RASGRP3: variants seen among roughly 807,000 people sequenced by gnomAD.
RASGRP3 encodes the protein RAS guanyl releasing protein 3, also known as ras guanyl-releasing protein 3.
RASGRP3 carries 54 observed loss-of-function variants against 82.7 expected under a neutral mutation model. The ratio of observed to expected loss-of-function variants is 0.65; its 90% CI spans 0.52 to 0.82. The LOEUF (loss-of-function observed/expected upper bound fraction) is 0.82, where lower values mean the gene tolerates loss of function less well. Ranked by LOEUF, RASGRP3 falls within the 40% of genes least tolerant of loss-of-function variation. The pLI, the probability that RASGRP3 is intolerant of heterozygous loss-of-function variation, is 0.00. For synonymous variants in RASGRP3, 309 were observed against 300.5 expected, an observed-to-expected ratio of 1.03 and a Z score of -0.29; for missense variants, 861 against 828.9, an observed-to-expected ratio of 1.04 and a Z score of -0.48.
In RASGRP3 at chr2:33,470,716, G is replaced by A. The variant is rs191863228; in HGVS notation, c.-261+22773G>A. Among the ~76,000 whole-genome samples the A allele has an allele frequency of 7.9e-3, 1,205 of 152,050 alleles. 16 individuals carry two copies. Among genetic ancestry groups the A allele is most frequent in the Middle Eastern group, 0.02 (6 of 294 alleles). ...CTATTATGTTTTCTAAGTTTTTGTG[G>A]GTTATATGGAAAATTTCATATATTT... On this transcript the variant is annotated intron_variant, in intron 2 of 18. Coordinates refer to the RASGRP3 transcript ENST00000402538.
chr2:33,469,780 C>T (rs968022339), intron 2 of RASGRP3, among the ~76,000 whole-genome samples: 2 of 152,140 alleles, frequency 1.3e-5, no homozygotes, highest in African/African-American at 4.8e-5. Context: ...TTATGTTTAA[C>T]TCTTTAGTCT....
chr2:33,499,552 G>A (rs760800251), intron 1 of RASGRP3, among the ~76,000 whole-genome samples: 8 of 151,998 alleles, frequency 5.3e-5, no homozygotes, highest in Non-Finnish European at 7.4e-5. Context: ...AGTGAGACCC[G>A]CATCTCAAAA....
intron 1 of RASGRP3, among the ~76,000 whole-genome samples, chr2:33,445,905 G>A (rs1160638894): frequency 6.6e-6 from 1 of 152,156 alleles, no homozygotes; most frequent in East Asian, 1.9e-4. Context: ...TATTTATCTT[G>A]TTTCTTAATA....
intron 15 of RASGRP3, 139 bp from the exon 16 acceptor site, chr2:33,558,072 C>G: frequency 8.8e-7 from 1 of 1,141,762 alleles, no homozygotes; most frequent in East Asian, 2.6e-5. Flanking sequence ...AGACACACCC[C>G]ATGGGCCTGA....
chr2:33,467,302 T>A (rs529236227), intron 2 of RASGRP3, among the ~76,000 whole-genome samples: 2 of 152,272 alleles, frequency 1.3e-5, no homozygotes, highest in African/African-American at 2.4e-5. Context: ...CTTTCAAAAA[T>A]TTTTCTTTCT....
chr2:33,548,555 A>G (rs1209836642), intron 13 of RASGRP3, among the ~76,000 whole-genome samples: 5 of 152,160 alleles, frequency 3.3e-5, no homozygotes, highest in Middle Eastern at 3.4e-3. Flanking sequence ...GCTGGATGGC[A>G]CAACTCTTCC....
intron 4 of RASGRP3, 144 bp downstream of exon 4, chr2:33,516,788 G>A: frequency 3.5e-6 from 2 of 564,536 alleles, no homozygotes; most frequent in South Asian, 2.7e-5. Context: ...TAGATGTCTA[G>A]ACAAAACACA....
Position 33,515,009 on chromosome 2 carries a change from G to T in RASGRP3, c.-127-1G>T. The T allele has an allele frequency of 1.8e-5, 14 of 799,744 alleles. No individual in the cohort carries two copies. Among genetic ancestry groups the T allele is most frequent in the Non-Finnish European group, 2.1e-5 (10 of 477,902 alleles). The allele number at this position is 799,744 out of a possible 1,614,324, so 49.5% of individuals were successfully genotyped here. On this transcript the variant is annotated splice_acceptor_variant, in intron 2 of 17. Transcript: ENST00000403687. LOFTEE classifies it low-confidence loss of function (5UTR_SPLICE). ...TTTCTCTCTTTTTTCTTTTTTTTTA[G>T]AGTTTTCTTGAAGTACAACTAAGGA...
rs185901867 is a variant in RASGRP3, at chr2:33,563,733, T to C, written c.*996T>C. ...GTTGTAAAAGAGAACCCTTGTTCCC[T>C]TCCTAAGAAACTGCCTTCCACAATT... On this transcript the variant is annotated 3_prime_UTR_variant, in exon 18 of 18. Coordinates refer to ENST00000403687, the MANE Select transcript of RASGRP3 (RefSeq NM_001139488.2). The C allele has an allele frequency of 2.0e-5, 3 of 152,206 alleles. 1 individual carries two copies. The highest frequency in any genetic ancestry group is 2.0e-4 in the Admixed American group (3 of 15,292). The allele number at this position is 152,206 out of a possible 1,614,324, so 9.4% of individuals were successfully genotyped here.
At chr2:33,560,136 A>T (rs138212463) in intron 17 of RASGRP3, among the ~76,000 whole-genome samples, 4 of 152,218 alleles carry the variant, frequency 2.6e-5, no homozygotes, top group Non-Finnish European at 4.4e-5. Context: ...TGCTTTTAGT[A>T]TACTCACAAA....
chr2:33,513,804 T>G (rs1671167099), intron 2 of RASGRP3: 1 of 152,252 alleles, frequency 6.6e-6, no homozygotes, highest in South Asian at 2.1e-4. Context: ...GCTCTCATCC[T>G]CACATTTTCC....
At chr2:33,441,622 G>T (rs1242994017) in intron 1 of RASGRP3, among the ~76,000 whole-genome samples, 1 of 152,172 alleles carries the variant, frequency 6.6e-6, no homozygotes, top group African/African-American at 2.4e-5. Context: ...AACAGTTTTA[G>T]ATTTATCTTA....
chr2:33,476,379 T>A (rs1042100202), upstream of RASGRP3: 9 of 152,238 alleles, frequency 5.9e-5, no homozygotes, highest in African/African-American at 1.9e-4. Flanking sequence ...ACTTTCCACT[T>A]GCAGTGACCT....
intron 6 of RASGRP3, among the ~76,000 whole-genome samples, chr2:33,521,606 T>C (rs1672042731): frequency 1.3e-5 from 2 of 152,252 alleles, no homozygotes; most frequent in South Asian, 4.1e-4. Flanking sequence ...CCACAGCTTC[T>C]AGTGGTTTCC....
intron 1 of RASGRP3, among the ~76,000 whole-genome samples, chr2:33,441,902 C>A (rs1332670005): frequency 6.6e-6 from 1 of 152,050 alleles, no homozygotes; most frequent in Non-Finnish European, 1.5e-5. Context: ...TGTAACTAAC[C>A]TAAATATACA....
rs115656881 is a variant in RASGRP3 at position 33,489,796 on chromosome 2, C to G, written c.-261+13089C>G. 6.9e-3 allele frequency among the ~76,000 whole-genome samples: 1,049 copies of G among 152,296 alleles called. 15 individuals carry two copies. Among genetic ancestry groups the G allele is most frequent in the African/African-American group, 0.024 (1,009 of 41,556 alleles). On this transcript the variant is annotated intron_variant, in intron 1 of 17. Coordinates refer to ENST00000403687, the MANE Select transcript of RASGRP3 (RefSeq NM_001139488.2). ...AAGCACTCCTCCTGCCTCAGCCTCC[C>G]CATGTGCTGGGATTACAGGTGTGAG...
At chr2:33,487,643 T>C (rs1006487426) in intron 1 of RASGRP3, among the ~76,000 whole-genome samples, 3 of 152,190 alleles carry the variant, frequency 2.0e-5, no homozygotes, top group Non-Finnish European at 2.9e-5. Flanking sequence ...AAGTTTGAGA[T>C]TTCCACCTGT....
At chr2:33,520,043 G>T in intron 5 of RASGRP3, 29 bp downstream of exon 5, 1 of 1,517,966 alleles carries the variant, frequency 6.6e-7, no homozygotes, top group Non-Finnish European at 9.0e-7. Flanking sequence ...TTAATTTCTT[G>T]TAGTTTCTGG....
intron 11 of RASGRP3, among the ~76,000 whole-genome samples, chr2:33,536,783 G>C (rs13423017): frequency 6.6e-6 from 1 of 152,170 alleles, no homozygotes; most frequent in South Asian, 2.1e-4. Context: ...CCTTCACTGA[G>C]ACTTGCGACA....
Sources: gnomAD v4.1 joint callset for allele counts (sites outside exome capture counted in the v4.1 genomes callset) on GRCh38, gnomAD v4.1.1 for gene constraint, MANE v1.5 for transcripts, NCBI Gene and HGNC (gene_info 2026-07-23, HGNC 2026-07-21) for gene names.